Variants in CHCHD6 observed in about 807,000 individuals in gnomAD.
CHCHD6 encodes the protein MICOS complex subunit MIC25.
A neutral mutation model predicts 32.3 loss-of-function variants in CHCHD6; 28 were observed. The observed-to-expected ratio is 0.87, with a 90% confidence interval of 0.64 to 1.19. The LOEUF (loss-of-function observed/expected upper bound fraction) is 1.19, where lower values mean the gene tolerates loss of function less well. CHCHD6 is among the 50% of genes most tolerant of loss of function. The pLI is 0.00. For missense variants in CHCHD6, 333 were observed against 307.0 expected, an observed-to-expected ratio of 1.08 and a Z score of -0.63; for synonymous variants, 122 against 117.5, an observed-to-expected ratio of 1.04 and a Z score of -0.25.
chr3:126,760,818 G>A (rs1937133143), intron 4 of CHCHD6, among the ~76,000 whole-genome samples: 1 of 152,160 alleles, frequency 6.6e-6, no homozygotes, highest in South Asian at 2.1e-4. Context: ...ATCTCTTCAA[G>A]ACCCTGCTTT....
At chr3:126,830,802 C>T (rs1428943555) in intron 4 of CHCHD6, among the ~76,000 whole-genome samples, 1 of 152,184 alleles carries the variant, frequency 6.6e-6, no homozygotes, top group Admixed American at 6.5e-5. Flanking sequence ...CCCTCTGTTA[C>T]TCAGAGGACA....
At chr3:126,810,322 C>T (rs1000942413) in intron 4 of CHCHD6, among the ~76,000 whole-genome samples, 3 of 152,084 alleles carry the variant, frequency 2.0e-5, no homozygotes, top group Non-Finnish European at 4.4e-5. Flanking sequence ...GGAGGAGGTA[C>T]GTGTGCAAGA....
intron 6 of CHCHD6, among the ~76,000 whole-genome samples, chr3:126,942,279 C>CT (rs1162914506): frequency 1.3e-5 from 2 of 152,164 alleles, no homozygotes; most frequent in Admixed American, 1.3e-4. Flanking sequence ...CTTATTTTCC[C>CT]TTTGTGTTTG....
At chr3:126,790,697 C>T (rs1444539977) in intron 4 of CHCHD6, among the ~76,000 whole-genome samples, 1 of 152,138 alleles carries the variant, frequency 6.6e-6, no homozygotes, top group Non-Finnish European at 1.5e-5. Flanking sequence ...GCCTTCTCTA[C>T]ATTGGTTATT....
At chr3:126,821,559 G>T (rs1356960690) in intron 4 of CHCHD6, among the ~76,000 whole-genome samples, 2 of 152,186 alleles carry the variant, frequency 1.3e-5, no homozygotes, top group Non-Finnish European at 2.9e-5. Flanking sequence ...CTCCCAAATT[G>T]CCAGGATTAC....
At chr3:126,760,822 C>G (rs1213967015) in intron 4 of CHCHD6, among the ~76,000 whole-genome samples, 2 of 152,182 alleles carry the variant, frequency 1.3e-5, no homozygotes, top group Non-Finnish European at 2.9e-5. Context: ...CTTCAAGACC[C>G]TGCTTTCAAT....
chr3:126,814,113 A>G (rs1939776132), intron 4 of CHCHD6, among the ~76,000 whole-genome samples: 1 of 152,174 alleles, frequency 6.6e-6, no homozygotes, highest in South Asian at 2.1e-4. Flanking sequence ...TACATTTTTC[A>G]AGGTGGGTTA....
At chr3:126,836,952 G>A (rs1006679732) in intron 4 of CHCHD6, among the ~76,000 whole-genome samples, 2 of 152,170 alleles carry the variant, frequency 1.3e-5, no homozygotes, top group East Asian at 1.9e-4. Context: ...GGCTTTCACC[G>A]GTCCAAGCTC....
At chr3:126,856,008 C>A (rs1175280963) in intron 5 of CHCHD6, among the ~76,000 whole-genome samples, 1 of 152,162 alleles carries the variant, frequency 6.6e-6, no homozygotes, top group Non-Finnish European at 1.5e-5. Context: ...TTCTACCTGG[C>A]AACCTTCATT....
At chr3:126,733,046 C>T (rs1935880698) in intron 3 of CHCHD6, 32 bp from the exon 4 acceptor site, 3 of 1,610,472 alleles carry the variant, frequency 1.9e-6, no homozygotes, top group East Asian at 2.2e-5. Flanking sequence ...ATGCCATCCA[C>T]ATCTGTTTCT....
intron 6 of CHCHD6, among the ~76,000 whole-genome samples, chr3:126,915,939 T>G (rs2078163074): frequency 6.7e-6 from 1 of 149,670 alleles, no homozygotes; most frequent in African/African-American, 2.5e-5. Context: ...CACAGGCATG[T>G]GCCACGCCCA....
intron 4 of CHCHD6, among the ~76,000 whole-genome samples, chr3:126,834,280 A>G (rs563825271): frequency 6.6e-5 from 10 of 152,256 alleles, no homozygotes; most frequent in Admixed American, 6.5e-4. Context: ...GCTATAGACC[A>G]ATTAATATAA....
At chr3:126,927,025 T>C (rs2078334026) in intron 6 of CHCHD6, among the ~76,000 whole-genome samples, 1 of 151,956 alleles carries the variant, frequency 6.6e-6, no homozygotes, top group Non-Finnish European at 1.5e-5. Context: ...AACAGTCGGG[T>C]AATGTGAGAG....
At chr3:126,934,657 T>C (rs1238617950) in intron 6 of CHCHD6, among the ~76,000 whole-genome samples, 2 of 144,832 alleles carry the variant, frequency 1.4e-5, no homozygotes, top group Non-Finnish European at 3.0e-5. Context: ...CACGCCATTC[T>C]CCTGCCTCAG....
chr3:126,761,152 C>T (rs1937147773), intron 4 of CHCHD6, among the ~76,000 whole-genome samples: 1 of 152,194 alleles, frequency 6.6e-6, no homozygotes, highest in East Asian at 1.9e-4. Context: ...CGCACACACC[C>T]CCATAAGTAA....
intron 4 of CHCHD6, among the ~76,000 whole-genome samples, chr3:126,750,706 G>A (rs1002109147): frequency 2.6e-5 from 4 of 152,240 alleles, no homozygotes; most frequent in Non-Finnish European, 5.9e-5. Flanking sequence ...TAAATGAGCA[G>A]ACCCACCTAG....
At chr3:126,821,654 A>G (rs546171779) in intron 4 of CHCHD6, among the ~76,000 whole-genome samples, 1 of 151,048 alleles carries the variant, frequency 6.6e-6, no homozygotes, top group African/African-American at 2.5e-5. Context: ...AAAGGAGTAT[A>G]TGACGGTTCC....
chr3:126,784,097 C>T (rs1197631941), intron 4 of CHCHD6, among the ~76,000 whole-genome samples: 4 of 152,106 alleles, frequency 2.6e-5, no homozygotes, highest in African/African-American at 9.7e-5. Flanking sequence ...AGGTAGCTTT[C>T]TGTGAGAGTC....
chr3:126,717,489 A>C (rs552603946), intron 1 of CHCHD6, among the ~76,000 whole-genome samples: 157 of 152,196 alleles, frequency 1.0e-3, no homozygotes, highest in African/African-American at 3.7e-3. Flanking sequence ...TAATAAAGAA[A>C]CCCATACGGT....
Sources: gnomAD v4.1 joint callset for allele counts (sites outside exome capture counted in the v4.1 genomes callset) on GRCh38, gnomAD v4.1.1 for gene constraint, MANE v1.5 for transcripts, NCBI Gene and HGNC (gene_info 2026-07-23, HGNC 2026-07-21) for gene names.